The following GLI2 variants were observed in gnomAD, a reference collection of about 807,000 sequenced individuals.
The protein encoded by GLI2 is transcription activator GLI2.
In GLI2, 22 loss-of-function variants were observed where a neutral mutation model predicts 78.9. The ratio of observed to expected loss-of-function variants is 0.28; its 90% CI spans 0.20 to 0.40. The LOEUF (loss-of-function observed/expected upper bound fraction) is 0.40. Ranked by LOEUF, GLI2 falls within the 10% of genes least tolerant of loss-of-function variation. The pLI, the probability that GLI2 is intolerant of heterozygous loss-of-function variation, is 1.00. For missense variants in GLI2, 2,097 were observed against 2,213.2 expected (o/e 0.95, Z 1.05); for synonymous variants, 974 against 963.7 (o/e 1.01, Z -0.20).
chr2:120,959,923 G>A (rs1423154320), intron 5 of GLI2, among the ~76,000 whole-genome samples: 2 of 152,194 alleles, frequency 1.3e-5, no homozygotes, highest in Admixed American at 6.5e-5. Flanking sequence ...TGAGGAATGT[G>A]TGTTCACACC....
At chr2:120,796,776 G>A (rs945023787) in intron 1 of GLI2, among the ~76,000 whole-genome samples, 1 of 152,224 alleles carries the variant, frequency 6.6e-6, no homozygotes, top group Non-Finnish European at 1.5e-5. Context: ...TTAAAAATAT[G>A]TTGACTGAGT....
intron 1 of GLI2, among the ~76,000 whole-genome samples, chr2:120,766,265 C>T (rs756041222): frequency 7.2e-5 from 11 of 152,224 alleles, no homozygotes; most frequent in Non-Finnish European, 1.5e-4. Flanking sequence ...AGCAGGCAAG[C>T]GCGTCACTTC....
At chr2:120,924,422 C>T (rs1679556957) in intron 2 of GLI2, among the ~76,000 whole-genome samples, 1 of 152,076 alleles carries the variant, frequency 6.6e-6, no homozygotes, top group East Asian at 1.9e-4. Flanking sequence ...GTTTTTTAGT[C>T]CTGTGACTTT....
chr2:120,974,403 G>GGGAATTTCAGGGACCTGTGATCAGGTGAA (rs1682345738), intron 8 of GLI2, among the ~76,000 whole-genome samples: 1 of 152,152 alleles, frequency 6.6e-6, no homozygotes, highest in African/African-American at 2.4e-5. Flanking sequence ...CCTTTTTGAC[G>GGGAATTTCAGGGACCTGTGATCAGGTGAA]GGAATTTCAG....
chr2:120,797,104 C>T (rs376166202), intron 1 of GLI2, among the ~76,000 whole-genome samples, 187 bp from the exon 2 acceptor site: 10 of 152,162 alleles, frequency 6.6e-5, no homozygotes, highest in African/African-American at 1.7e-4. Context: ...TCCGTGAGGT[C>T]GTTCAGAAGA....
At chr2:120,874,674 A>G (rs1393687064) in intron 2 of GLI2, among the ~76,000 whole-genome samples, 2 of 152,210 alleles carry the variant, frequency 1.3e-5, no homozygotes, top group Non-Finnish European at 2.9e-5. Context: ...ATAGCACGCT[A>G]ATGAGGTATC....
At chr2:120,861,489 C>G (rs1477205851) in intron 2 of GLI2, among the ~76,000 whole-genome samples, 1 of 152,214 alleles carries the variant, frequency 6.6e-6, no homozygotes, top group East Asian at 1.9e-4. Flanking sequence ...CTATAGTCAT[C>G]CAGTCTCCTG....
At position 120,783,786 on chromosome 2, in the gene GLI2, T is replaced by G. The variant is rs115843315; in HGVS notation, c.-30-13505T>G. Among the ~76,000 whole-genome samples, 745 of 152,326 alleles carry G rather than the reference T, an allele frequency of 4.9e-3. 6 individuals are homozygous for G. Among genetic ancestry groups the G allele is most frequent in the African/African-American group, 0.017 (711 of 41,574 alleles). On this transcript the variant is annotated intron_variant, in intron 1 of 13. Coordinates refer to ENST00000361492, the MANE Select transcript of GLI2 (RefSeq NM_001374353.1). ...CCACGTTGATTTAAGAGAAGGGAACTTTTTATATGAAAACCACTTAAAGTC... is the reference window on the plus strand; with the variant it reads ...CCACGTTGATTTAAGAGAAGGGAACGTTTTATATGAAAACCACTTAAAGTC...
At chr2:120,803,349 C>T (rs958274167) in intron 2 of GLI2, among the ~76,000 whole-genome samples, 9 of 129,224 alleles carry the variant, frequency 7.0e-5, no homozygotes, top group African/African-American at 1.0e-4. Context: ...GGAAGTGCTT[C>T]GAAAAGTGTT....
chr2:120,990,677 GGCCCGA>G lies in GLI2; in HGVS notation c.*5_*10del. The G allele has an allele frequency of 6.2e-7, 1 of 1,610,666 alleles. No homozygotes were observed. The highest frequency in any genetic ancestry group is 8.5e-7 in the Non-Finnish European group (1 of 1,178,804). ...AAGTTCCTGAACATGATGACCTAGA[GGCCCGA>G]GCGCCTGGTGCTGAGTGCACCCGGA... is the stretch of plus-strand genomic sequence containing the variant. On this transcript the variant is annotated 3_prime_UTR_variant, in exon 14 of 14. Coordinates refer to ENST00000361492, the MANE Select transcript of GLI2 (RefSeq NM_001374353.1).
intron 1 of GLI2, among the ~76,000 whole-genome samples, chr2:120,752,716 T>A (rs1201386051): frequency 6.6e-6 from 1 of 152,240 alleles, no homozygotes; most frequent in African/African-American, 2.4e-5. Flanking sequence ...TCAAGAATGC[T>A]AGTTTTTTGT....
intron 2 of GLI2, among the ~76,000 whole-genome samples, chr2:120,811,918 A>G (rs1685262237): frequency 6.6e-6 from 1 of 151,744 alleles, no homozygotes; most frequent in Admixed American, 6.6e-5. Context: ...TGCGCCGGGC[A>G]GTGTAGTCCC....
intron 2 of GLI2, among the ~76,000 whole-genome samples, chr2:120,887,751 G>A (rs180979608): frequency 6.6e-6 from 1 of 152,204 alleles, no homozygotes; most frequent in South Asian, 2.1e-4. Flanking sequence ...AGGGTCGGGG[G>A]TCTCCTCCTT....
chr2:120,790,318 C>T (rs1239248112), intron 1 of GLI2, among the ~76,000 whole-genome samples: 1 of 152,160 alleles, frequency 6.6e-6, no homozygotes, highest in Admixed American at 6.5e-5. Context: ...GGGTGCATCC[C>T]CCTCACTGTC....
In GLI2 at chr2:120,890,177, G is replaced by A. The variant is rs192157575; in HGVS notation, c.149-37184G>A. Among the ~76,000 whole-genome samples, 79 of 152,228 alleles carry A rather than the reference G, an allele frequency of 5.2e-4. 2 individuals are homozygous for A. The East Asian group carries it at 0.01, about 20-fold the overall frequency. ...CCTGTACCAATTTGGCTGAATCTTC[G>A]GGGAATTATGCTGAGTGCAAAAGCC... On this transcript the variant is annotated intron_variant, in intron 2 of 13. Coordinates refer to ENST00000361492, the MANE Select transcript of GLI2 (RefSeq NM_001374353.1).
chr2:120,827,563 G>A (rs1268786936), intron 2 of GLI2, among the ~76,000 whole-genome samples: 1 of 152,158 alleles, frequency 6.6e-6, no homozygotes, highest in African/African-American at 2.4e-5. Context: ...TGAAAGTAGG[G>A]TCCTGAAGAG....
chr2:120,742,849 A>G (rs544769904), intron 1 of GLI2, among the ~76,000 whole-genome samples: 1 of 152,352 alleles, frequency 6.6e-6, no homozygotes, highest in Non-Finnish European at 1.5e-5. Flanking sequence ...ATGTTATGCA[A>G]ATAGAAGCTG....
intron 3 of GLI2, among the ~76,000 whole-genome samples, chr2:120,936,650 T>C (rs11902937): frequency 0.028 from 4,263 of 152,246 alleles, 220 homozygotes; most frequent in African/African-American, 0.099. Context: ...AGAACAGTAA[T>C]CAACCCAAAG....
At chr2:120,787,218 CACAG>C (rs1436028111) in intron 1 of GLI2, among the ~76,000 whole-genome samples, 2 of 152,144 alleles carry the variant, frequency 1.3e-5, no homozygotes, top group African/African-American at 2.4e-5. Flanking sequence ...TGATCAGAGT[CACAG>C]ACAGCATGAC....
Sources: gnomAD v4.1 joint callset for allele counts (sites outside exome capture counted in the v4.1 genomes callset) on GRCh38, gnomAD v4.1.1 for gene constraint, MANE v1.5 for transcripts, NCBI Gene and HGNC (gene_info 2026-07-23, HGNC 2026-07-21) for gene names.